The following MTUS2 variants were observed in gnomAD, a reference collection of about 807,000 sequenced individuals.
The protein encoded by MTUS2 is microtubule-associated tumor suppressor candidate 2.
MTUS2 carries 40 observed loss-of-function variants against 114.1 expected under a neutral mutation model. The observed-to-expected ratio is 0.35, with a 90% CI of 0.27 to 0.46. The LOEUF (loss-of-function observed/expected upper bound fraction) is 0.46. MTUS2 is among the 20% of genes least tolerant of loss of function. The probability of loss-of-function intolerance (pLI) is 1.00; values close to 1 mark genes in which losing one functional copy is unlikely to be tolerated. For missense variants in MTUS2, 1,679 were observed against 1,705.4 expected, an observed-to-expected ratio of 0.98 and a Z score of 0.27; for synonymous variants, 688 against 672.0, an observed-to-expected ratio of 1.02 and a Z score of -0.37.
At chr13:29,089,938 G>T (rs540747996) in intron 4 of MTUS2, among the ~76,000 whole-genome samples, 6 of 152,280 alleles carry the variant, frequency 3.9e-5, no homozygotes, top group Non-Finnish European at 8.8e-5. Flanking sequence ...GTTAATTTCA[G>T]CCATTTCAAA....
chr13:29,438,015 A>G (rs1223963533), intron 8 of MTUS2, among the ~76,000 whole-genome samples: 2 of 152,174 alleles, frequency 1.3e-5, no homozygotes, highest in East Asian at 3.8e-4. Context: ...TAATATGGAA[A>G]AGCACCTATT....
chr13:29,472,320 C>T (rs559568032), intron 9 of MTUS2, among the ~76,000 whole-genome samples: 1 of 152,304 alleles, frequency 6.6e-6, no homozygotes, highest in Admixed American at 6.5e-5. Context: ...CCGTGCCCAG[C>T]CATGGTCCAT....
chr13:29,260,057 C>G (rs1897413185), intron 5 of MTUS2, among the ~76,000 whole-genome samples: 1 of 152,204 alleles, frequency 6.6e-6, no homozygotes, highest in Non-Finnish European at 1.5e-5. Flanking sequence ...AAAGAATTCA[C>G]TTTGTTTTGA....
chr13:29,497,467 G>A (rs1417187073), intron 13 of MTUS2, 131 bp downstream of exon 13: 5 of 730,090 alleles, frequency 6.8e-6, no homozygotes, highest in African/African-American at 3.5e-5. Context: ...AGCTGGTCAC[G>A]ACCTCCCCTG....
At chr13:28,905,007 T>C (rs1879897862) in intron 2 of MTUS2, among the ~76,000 whole-genome samples, 2 of 151,634 alleles carry the variant, frequency 1.3e-5, no homozygotes, top group South Asian at 4.2e-4. Flanking sequence ...TTTTATTCTC[T>C]TTGAAGCAAT....
chr13:29,180,229 C>A (rs1400886498), intron 5 of MTUS2, among the ~76,000 whole-genome samples: 2 of 152,172 alleles, frequency 1.3e-5, no homozygotes, highest in African/African-American at 4.8e-5. Flanking sequence ...GCTGATTGAT[C>A]TCTCCACTCA....
At chr13:29,007,177 T>A (rs1885637727) in intron 2 of MTUS2, among the ~76,000 whole-genome samples, 1 of 152,244 alleles carries the variant, frequency 6.6e-6, no homozygotes, top group Admixed American at 6.5e-5. Flanking sequence ...TAAAATTATC[T>A]AAACCTTCAC....
At chr13:29,186,369 A>G (rs1019969114) in intron 5 of MTUS2, among the ~76,000 whole-genome samples, 4 of 152,264 alleles carry the variant, frequency 2.6e-5, no homozygotes, top group African/African-American at 9.6e-5. Context: ...GCTATCTATA[A>G]GATACACTTT....
At chr13:29,247,250 A>G (rs896251687) in intron 5 of MTUS2, among the ~76,000 whole-genome samples, 1 of 152,226 alleles carries the variant, frequency 6.6e-6, no homozygotes, top group African/African-American at 2.4e-5. Flanking sequence ...CTCTTACCTT[A>G]TACAAAAATC....
intron 1 of MTUS2, among the ~76,000 whole-genome samples, chr13:28,833,026 G>C (rs943933865): frequency 6.6e-6 from 1 of 152,032 alleles, no homozygotes; most frequent in Non-Finnish European, 1.5e-5. Flanking sequence ...CAAGAAGAAA[G>C]GGCAGATCTG....
At chr13:28,828,858 C>T (rs1312103714) in intron 1 of MTUS2, among the ~76,000 whole-genome samples, 1 of 152,114 alleles carries the variant, frequency 6.6e-6, no homozygotes, top group Non-Finnish European at 1.5e-5. Flanking sequence ...TGTCAGGCTC[C>T]AGTTTGGTTT....
chr13:29,100,743 A>AT, intron 4 of MTUS2, 30 bp from the exon 5 acceptor site: 1 of 1,547,572 alleles, frequency 6.5e-7, no homozygotes, highest in Non-Finnish European at 8.7e-7. Flanking sequence ...ACTGAGAATA[A>AT]TTTTTTAATT....
chr13:29,080,413 A>G (rs890383649), intron 4 of MTUS2, among the ~76,000 whole-genome samples: 3 of 152,144 alleles, frequency 2.0e-5, no homozygotes, highest in African/African-American at 7.2e-5. Context: ...AATAGGATAG[A>G]TGGATATATA....
intron 2 of MTUS2, among the ~76,000 whole-genome samples, chr13:28,970,814 G>A (rs1883822007): frequency 6.6e-6 from 1 of 152,146 alleles, no homozygotes; most frequent in African/African-American, 2.4e-5. Flanking sequence ...TGGAGCAAGA[G>A]CTGTATAAAT....
intron 2 of MTUS2, among the ~76,000 whole-genome samples, chr13:28,843,917 A>G (rs184048655): frequency 1.1e-3 from 175 of 152,352 alleles, no homozygotes; most frequent in African/African-American, 4.1e-3. Flanking sequence ...GGAGCTGTGT[A>G]ATATTTGAAC....
At chr13:29,267,498 G>C (rs1468670415) in intron 5 of MTUS2, among the ~76,000 whole-genome samples, 1 of 152,216 alleles carries the variant, frequency 6.6e-6, no homozygotes, top group Non-Finnish European at 1.5e-5. Context: ...CATTTTCCCT[G>C]TGTCCCCTAC....
At chr13:29,366,363 C>G (rs996688252) in intron 8 of MTUS2, among the ~76,000 whole-genome samples, 1 of 152,128 alleles carries the variant, frequency 6.6e-6, no homozygotes, top group Admixed American at 6.5e-5. Flanking sequence ...GAAAGACCCA[C>G]CCCCATGATT....
chr13:28,935,012 T>G lies in MTUS2; in HGVS notation c.-242-89445T>G, dbSNP rs915320509. Among the ~76,000 whole-genome samples the G allele has an allele frequency of 4.9e-3, 700 of 141,948 alleles. 6 individuals are homozygous for G. Among genetic ancestry groups the G allele is most frequent in the Non-Finnish European group, 8.2e-3 (540 of 65,926 alleles). 93.1% of individuals were successfully genotyped at this position (141,948 alleles called of 152,430 possible). ...CTTGTTTCATCTCCATAGCGTTTTT[T>G]TTTTTTTTTTTTTTTTTTTTTGCCC... On this transcript the variant is annotated intron_variant, in intron 2 of 15. Coordinates refer to ENST00000612955, the MANE Select transcript of MTUS2 (RefSeq NM_001033602.4).
intron 8 of MTUS2, among the ~76,000 whole-genome samples, chr13:29,407,478 AT>A (rs776488611): frequency 7.2e-6 from 1 of 138,356 alleles, no homozygotes; most frequent in Non-Finnish European, 1.6e-5. Flanking sequence ...TTATTTATTT[AT>A]TTATTTATTT....
Sources: gnomAD v4.1 joint callset for allele counts (sites outside exome capture counted in the v4.1 genomes callset) on GRCh38, gnomAD v4.1.1 for gene constraint, MANE v1.5 for transcripts, NCBI Gene and HGNC (gene_info 2026-07-23, HGNC 2026-07-21) for gene names.